Variants in CALCR observed in about 807,000 individuals in gnomAD.
CALCR encodes the protein calcitonin receptor.
CALCR carries 47 observed loss-of-function variants against 59.5 expected under a neutral mutation model. That is an observed-to-expected ratio of 0.79 (90% confidence interval 0.63 to 1.01). The LOEUF (loss-of-function observed/expected upper bound fraction) is 1.01, where lower values mean the gene tolerates loss of function less well. Among genes scored for constraint, CALCR ranks in the 50% least tolerant of loss-of-function variants. CALCR has a pLI of 0.00. For synonymous variants in CALCR, 213 were observed against 211.3 expected (o/e 1.01, Z -0.07); for missense variants, 566 against 597.1 (o/e 0.95, Z 0.54).
chr7:93,512,340 C>G (rs942214513), intron 2 of CALCR, among the ~76,000 whole-genome samples: 1 of 152,108 alleles, frequency 6.6e-6, no homozygotes, highest in Non-Finnish European at 1.5e-5. Flanking sequence ...GATTAAGAGA[C>G]GTGCCCATGG....
At chr7:93,461,040 TA>T (rs573597743) in intron 7 of CALCR, 93 bp from the exon 8 acceptor site, 52 of 1,077,912 alleles carry the variant, frequency 4.8e-5, no homozygotes, top group Non-Finnish European at 5.7e-5. Context: ...ATATTTTCTT[TA>T]AAAAAAAGAT....
chr7:93,448,910 A>T (rs571935988), intron 8 of CALCR, among the ~76,000 whole-genome samples: 53 of 152,148 alleles, frequency 3.5e-4, no homozygotes, highest in Non-Finnish European at 6.8e-4. Context: ...GGCAAAATGA[A>T]GAGCCTGAAG....
intron 2 of CALCR, among the ~76,000 whole-genome samples, chr7:93,505,356 G>A (rs1801403854): frequency 6.6e-6 from 1 of 152,182 alleles, no homozygotes; most frequent in Non-Finnish European, 1.5e-5. Flanking sequence ...GGAAGGATAT[G>A]AATTAGTGTG....
In CALCR at chr7:93,487,027, A is replaced by T. The variant is rs1408770292; in HGVS notation, c.-26-20T>A. ...TTTGTCCTAGAAAAATATAAAAGCA[A>T]CAAAGACTAAAATTAATATATCTCT... On this transcript the variant is annotated intron_variant, in intron 2 of 13. Coordinates refer to ENST00000426151, the MANE Select transcript of CALCR (RefSeq NM_001742.4). 6 of 1,297,806 alleles carry T rather than the reference A, an allele frequency of 4.6e-6. No individual in the cohort carries two copies. The highest frequency in any genetic ancestry group is 6.6e-6 in the Non-Finnish European group (6 of 904,636). The allele number at this position is 1,297,806 out of a possible 1,614,324, so 80.4% of individuals were successfully genotyped here.
At chr7:93,434,090 A>G (rs1799717669) in intron 13 of CALCR, among the ~76,000 whole-genome samples, 163 bp downstream of exon 13, 1 of 152,242 alleles carries the variant, frequency 6.6e-6, no homozygotes, top group Non-Finnish European at 1.5e-5. Flanking sequence ...TCCATGGATA[A>G]GATTCAGCTT....
intron 2 of CALCR, among the ~76,000 whole-genome samples, chr7:93,546,340 T>C (rs1474974876): frequency 6.6e-6 from 1 of 152,184 alleles, no homozygotes; most frequent in African/African-American, 2.4e-5. Flanking sequence ...TTTATGTGAC[T>C]GATTACCCTT....
chr7:93,467,022 C>A (rs1267968748), intron 7 of CALCR, among the ~76,000 whole-genome samples: 1 of 144,952 alleles, frequency 6.9e-6, no homozygotes, highest in Non-Finnish European at 1.5e-5. Flanking sequence ...TGCATGATTA[C>A]AAATTTGGGG....
intron 8 of CALCR, among the ~76,000 whole-genome samples, chr7:93,454,360 A>T (rs1800165875): frequency 6.6e-6 from 1 of 152,030 alleles, no homozygotes; most frequent in Non-Finnish European, 1.5e-5. Context: ...AACTCATTTG[A>T]CTTTACTTAT....
At position 93,554,769 on chromosome 7, in the gene CALCR, G is replaced by A. The variant is rs868834913; in HGVS notation, c.-27+19520C>T. Among the ~76,000 whole-genome samples the A allele has an allele frequency of 4.3e-5, 5 of 117,218 alleles. No individual in the cohort carries two copies. The South Asian group carries it at 1.1e-3, about 25-fold the overall frequency. 76.9% of individuals were successfully genotyped at this position (117,218 alleles called of 152,430 possible). ...ATAGATGTTCAAATTGCCAGGCCAT[G>A]TATATATATATATATATATATATTA... On this transcript the variant is annotated intron_variant, in intron 2 of 13. Transcript: ENST00000426151.
chr7:93,535,378 T>C (rs1788958198), intron 2 of CALCR, among the ~76,000 whole-genome samples: 1 of 151,762 alleles, frequency 6.6e-6, no homozygotes, highest in Admixed American at 6.6e-5. Flanking sequence ...AGCTGGGTAT[T>C]TCTCCATGTA....
chr7:93,444,646 CCA>C (rs1375413773), intron 8 of CALCR, among the ~76,000 whole-genome samples: 6 of 151,916 alleles, frequency 3.9e-5, no homozygotes, highest in African/African-American at 1.5e-4. Context: ...CAGATGTTGC[CCA>C]GTCTTCCCTG....
In CALCR at chr7:93,438,134, A is replaced by C; in HGVS notation, c.864-8T>G. The stretch of plus-strand genomic sequence containing the variant: ...TCCACACTCAGCCAGCAGCTGAAAA[A>C]GGGCAAGGGGACAATTAATACACAA... On this transcript the variant is annotated splice_polypyrimidine_tract_variant and splice_region_variant and intron_variant, in intron 10 of 13. Transcript: ENST00000426151. The C allele has an allele frequency of 1.2e-6, 2 of 1,612,984 alleles. No individual in the cohort carries two copies. Among genetic ancestry groups the C allele is most frequent in the Non-Finnish European group, 1.7e-6 (2 of 1,179,030 alleles).
At chr7:93,478,439 C>A (rs553885459) in intron 4 of CALCR, among the ~76,000 whole-genome samples, 7 of 151,664 alleles carry the variant, frequency 4.6e-5, no homozygotes, top group Admixed American at 1.3e-4. Flanking sequence ...CAGTGTCTCA[C>A]GCCTGTAATC....
intron 2 of CALCR, among the ~76,000 whole-genome samples, chr7:93,505,862 G>A (rs1310558290): frequency 6.6e-6 from 1 of 152,110 alleles, no homozygotes; most frequent in African/African-American, 2.4e-5. Flanking sequence ...TGCCAGCCCC[G>A]TGTACAGGAA....
intron 8 of CALCR, among the ~76,000 whole-genome samples, chr7:93,458,175 T>C (rs911893229): frequency 5.3e-5 from 8 of 152,168 alleles, no homozygotes; most frequent in Non-Finnish European, 5.9e-5. Context: ...TTTTAAAAGA[T>C]AGATTATAAT....
intron 2 of CALCR, among the ~76,000 whole-genome samples, chr7:93,557,408 CTT>C (rs1260592835): frequency 6.6e-6 from 1 of 151,728 alleles, no homozygotes; most frequent in East Asian, 1.9e-4. Context: ...GTTTTTAAGT[CTT>C]AAAAATAACA....
chr7:93,554,635 T>C (rs1789544144), intron 2 of CALCR, among the ~76,000 whole-genome samples: 1 of 151,670 alleles, frequency 6.6e-6, no homozygotes. Context: ...GAGCAGAAAG[T>C]TTAAGACCCA....
intron 2 of CALCR, among the ~76,000 whole-genome samples, chr7:93,494,999 A>G (rs1231233057): frequency 1.3e-5 from 2 of 151,378 alleles, no homozygotes; most frequent in Non-Finnish European, 3.0e-5. Flanking sequence ...GAATCTAGAG[A>G]CTGATTAGTG....
intron 7 of CALCR, among the ~76,000 whole-genome samples, chr7:93,464,305 T>C (rs959566353): frequency 1.3e-5 from 2 of 151,940 alleles, no homozygotes; most frequent in African/African-American, 4.8e-5. Flanking sequence ...GACAGTGTAA[T>C]TATAGTCACA....
Sources: gnomAD v4.1 joint callset for allele counts (sites outside exome capture counted in the v4.1 genomes callset) on GRCh38, gnomAD v4.1.1 for gene constraint, MANE v1.5 for transcripts, NCBI Gene and HGNC (gene_info 2026-07-23, HGNC 2026-07-21) for gene names.